The following DNAJC16 variants were observed in gnomAD, a reference collection of about 807,000 sequenced individuals.
DNAJC16 encodes the protein dnaJ homolog subfamily C member 16.
In DNAJC16, 76 loss-of-function variants were observed where a neutral mutation model predicts 92.7. That is an observed-to-expected ratio of 0.82 (90% CI 0.68 to 0.99). The LOEUF is 0.99. Ranked by LOEUF, DNAJC16 falls within the 50% of genes least tolerant of loss-of-function variation. The probability of loss-of-function intolerance (pLI) is 0.00; values close to 1 mark genes in which losing one functional copy is unlikely to be tolerated. For synonymous variants in DNAJC16, 328 were observed against 358.7 expected, an observed-to-expected ratio of 0.91 and a Z score of 0.97; for missense variants, 869 against 942.4, an observed-to-expected ratio of 0.92 and a Z score of 1.02.
intron 2 of DNAJC16, among the ~76,000 whole-genome samples, chr1:15,531,123 A>G (rs1000531452): frequency 2.6e-5 from 4 of 152,144 alleles, no homozygotes; most frequent in African/African-American, 7.2e-5. Context: ...ACATCTAGGC[A>G]TGAGTAAGGG....
chr1:15,567,839 TTAC>T lies in DNAJC16; in HGVS notation c.2014_2016del (p.Leu672del). 30 of 1,614,190 alleles carry T rather than the reference TTAC, an allele frequency of 1.9e-5. No individual in the cohort carries two copies. Among genetic ancestry groups the T allele is most frequent in the Non-Finnish European group, 2.5e-5 (30 of 1,180,002 alleles). ...TAAACACAGAGAATGGCTAGAATAC[TTAC>T]TAGAATTTGCTCAAGATGCAGCTCC... On this transcript the variant is annotated inframe_deletion, in exon 15 of 15. Coordinates refer to ENST00000375847, the MANE Select transcript of DNAJC16 (RefSeq NM_015291.4).
chr1:15,567,340 G>A (rs751047727), intron 14 of DNAJC16, 71 bp downstream of exon 14: 401 of 1,497,862 alleles, frequency 2.7e-4, no homozygotes, highest in Non-Finnish European at 3.5e-4. Context: ...GAAATTGCAC[G>A]CTTTTCTCTT....
In DNAJC16 at chr1:15,564,047, G is replaced by A. The variant is rs181472401; in HGVS notation, c.1457G>A (p.Arg486His). ...FILLGYLDQL[R>H]KDPALLSSEA... ...CTCTTGGGCTATCTCGACCAGCTGC[G>A]TAAAGATCCAGCTCTTCTGTCCTCT... The change falls in exon 10 of 15, where the codon CGT becomes CAT. Residue 486 changes from arginine (R) to histidine (H), a missense_variant. Transcript: ENST00000375847. The A allele has an allele frequency of 8.3e-5, 134 of 1,613,722 alleles. No individual in the cohort carries two copies. The African/African-American group carries it at 1.2e-3, about 15-fold the overall frequency.
At chr1:15,551,166 G>A (rs1431545110) in intron 7 of DNAJC16, among the ~76,000 whole-genome samples, 2 of 152,144 alleles carry the variant, frequency 1.3e-5, no homozygotes, top group Non-Finnish European at 2.9e-5. Flanking sequence ...CTCCGTGCCC[G>A]GCCTCACCTT....
rs904459976 is a variant in DNAJC16, at chr1:15,548,386, G to A, written c.981G>A (p.Leu327=). ...TCAATATCTACGCCCCTACCCTCTT[G>A]GTCTTTAAAGAACATATAAACAGGC... ...YNINIYAPTL[L]VFKEHINRPA... is the part of the protein sequence containing the mutation. Residue 327 remains leucine (L), a synonymous_variant, in exon 7 of 15, where the codon TTG becomes TTA. Transcript: ENST00000375847. 1 of 1,613,958 alleles carries A rather than the reference G, an allele frequency of 6.2e-7. No homozygotes were observed. Among genetic ancestry groups the A allele is most frequent in the Non-Finnish European group, 8.5e-7 (1 of 1,179,956 alleles).
intron 4 of DNAJC16, among the ~76,000 whole-genome samples, chr1:15,539,209 T>C (rs1053762177): frequency 1.3e-5 from 2 of 152,062 alleles, no homozygotes; most frequent in Non-Finnish European, 2.9e-5. Context: ...TCAAATAATG[T>C]TTCTGAAATA....
chr1:15,552,598 T>C (rs1638471207), intron 7 of DNAJC16, among the ~76,000 whole-genome samples: 1 of 152,088 alleles, frequency 6.6e-6, no homozygotes. Flanking sequence ...AAAGATCCAT[T>C]ATAAGTGCAA....
At chr1:15,529,891 A>G (rs1710614628) in intron 2 of DNAJC16, among the ~76,000 whole-genome samples, 1 of 152,152 alleles carries the variant, frequency 6.6e-6, no homozygotes, top group Admixed American at 6.5e-5. Flanking sequence ...TATACTTTAA[A>G]TCATCTCTAG....
At chr1:15,548,752 G>A (rs1638373294) in intron 7 of DNAJC16, among the ~76,000 whole-genome samples, 1 of 152,074 alleles carries the variant, frequency 6.6e-6, no homozygotes, top group South Asian at 2.1e-4. Flanking sequence ...ATGTACAGAT[G>A]AATATTTATC....
At chr1:15,566,394 G>A (rs1417272085) in intron 13 of DNAJC16, 1 of 545,208 alleles carries the variant, frequency 1.8e-6, no homozygotes, top group Non-Finnish European at 3.2e-6. Flanking sequence ...GAAGGCAGAA[G>A]GAAAGAAGCC....
rs554483491 is a variant in DNAJC16 at position 15,568,003 on chromosome 1, G to T, written c.2175G>T (p.Ser725=). The change falls in exon 15 of 15, where the codon TCG becomes TCT. Residue 725 remains serine, a synonymous_variant. Coordinates refer to ENST00000375847, the MANE Select transcript of DNAJC16 (RefSeq NM_015291.4). ...TCGAAGAGGAGGAAGCCATAGGGTC[G>T]TGCAGTGATGTTGACTCTTCCCTCT... The part of the protein sequence containing the change: ...KTVEEEEAIG[S]CSDVDSSLYL... The T allele has an allele frequency of 1.9e-6, 3 of 1,614,212 alleles. No individual in the cohort carries two copies. The highest frequency in any genetic ancestry group is 2.5e-6 in the Non-Finnish European group (3 of 1,180,042).
intron 4 of DNAJC16, among the ~76,000 whole-genome samples, chr1:15,538,739 T>C (rs1198491895): frequency 1.3e-5 from 2 of 152,144 alleles, no homozygotes; most frequent in Admixed American, 1.3e-4. Flanking sequence ...AAAGACTAAT[T>C]CCTATCTTTT....
chr1:15,566,176 A>C lies in DNAJC16; in HGVS notation c.1774A>C (p.Ser592Arg). Residue 592 changes from serine to arginine, a missense_variant, in exon 13 of 15, where the codon AGC (serine) becomes CGC (arginine). By Grantham distance (110) the Ser-to-Arg change is moderately radical. Coordinates refer to ENST00000375847, the MANE Select transcript of DNAJC16 (RefSeq NM_015291.4). ...KTEPSFTKEN[S>R]SKIPKKGFVE... ...TGAGCCAAGCTTCACCAAAGAAAAC[A>C]GCAGGTTTCTCTAACAAAACACCAG... 6.2e-7 allele frequency: 1 copy of C among 1,613,614 alleles called. No homozygotes were observed.
At chr1:15,545,761 G>A (rs946726057) in intron 5 of DNAJC16, among the ~76,000 whole-genome samples, 1 of 152,162 alleles carries the variant, frequency 6.6e-6, no homozygotes, top group Non-Finnish European at 1.5e-5. Context: ...GCCGTTGTAG[G>A]GGTTTGAGCA....
rs372770940 is a variant in DNAJC16, at chr1:15,544,517, T to G, written c.693T>G (p.Asn231Lys). The G allele has an allele frequency of 8.1e-6, 13 of 1,614,112 alleles. No homozygotes were observed. The African/African-American group carries it at 1.7e-4, about 22-fold the overall frequency. Residue 231 changes from asparagine (N) to lysine (K), a missense_variant, in exon 5 of 15, where the codon AAT (asparagine) becomes AAG (lysine). Transcript: ENST00000375847. The stretch of plus-strand genomic sequence containing the variant: ...ACGGGAAAATCTCCTTCTTCCACAA[T>G]GCAGTTGTCCGTGAAAATCTGCGAC... The part of the protein sequence containing the change: ...IINGKISFFH[N>K]AVVRENLRQF...
chr1:15,531,784 C>T lies in DNAJC16; in HGVS notation c.168-2453C>T, dbSNP rs539906479. 7.2e-5 allele frequency among the ~76,000 whole-genome samples: 11 copies of T among 152,294 alleles called. No individual in the cohort carries two copies. In the South Asian group the frequency reaches 1.9e-3, roughly 26 times the overall value. Reference sequence around the variant, plus strand: ...TTTACTTTACGTTTTTAATTTTGCTCTACTATTATTTTCTGCGGTTTTGGC... The same window carrying T: ...TTTACTTTACGTTTTTAATTTTGCTTTACTATTATTTTCTGCGGTTTTGGC... On this transcript the variant is annotated intron_variant, in intron 2 of 14. Coordinates refer to ENST00000375847, the MANE Select transcript of DNAJC16 (RefSeq NM_015291.4).
Position 15,536,347 on chromosome 1 carries a change from T to A in DNAJC16, c.235-128T>A, listed in dbSNP as rs569882423. On this transcript the variant is annotated intron_variant, in intron 3 of 14. Coordinates refer to ENST00000375847, the MANE Select transcript of DNAJC16 (RefSeq NM_015291.4). ...CACCCGCCTCAGCCTCCCAAAGTGC[T>A]GGGATTACAGGTGTGAGCCACCACG... 5.2e-5 allele frequency: 38 copies of A among 734,506 alleles called. 1 individual carries two copies. The highest frequency in any genetic ancestry group is 7.7e-5 in the Non-Finnish European group (36 of 469,404). The allele number at this position is 734,506 out of a possible 1,614,324, so 45.5% of individuals were successfully genotyped here.
At chr1:15,551,113 G>A (rs912842018) in intron 7 of DNAJC16, among the ~76,000 whole-genome samples, 6 of 152,180 alleles carry the variant, frequency 3.9e-5, no homozygotes, top group East Asian at 1.9e-4. Context: ...CAGGTGATCC[G>A]CCCACCTCAG....
chr1:15,546,751 C>T lies in DNAJC16; in HGVS notation c.760-16C>T. 1 of 1,572,830 alleles carries T rather than the reference C, an allele frequency of 6.4e-7. No individual in the cohort carries two copies. The highest frequency in any genetic ancestry group is 1.4e-5 in the African/African-American group (1 of 74,036). Reference sequence around the variant, plus strand: ...AGAATTAAATATTGAGACTAACATTCTATTTTCAATTTAAGGTTACAAATA... The same window carrying T: ...AGAATTAAATATTGAGACTAACATTTTATTTTCAATTTAAGGTTACAAATA... On this transcript the variant is annotated splice_polypyrimidine_tract_variant and intron_variant, in intron 5 of 14. Coordinates refer to ENST00000375847, the MANE Select transcript of DNAJC16 (RefSeq NM_015291.4).
Sources: allele counts gnomAD v4.1 joint callset (sites outside exome capture counted in the v4.1 genomes callset), GRCh38; gene constraint gnomAD v4.1.1; transcripts MANE v1.5; gene names NCBI Gene and HGNC (gene_info 2026-07-23, HGNC 2026-07-21).